KDM4C: variants seen among roughly 807,000 people sequenced by gnomAD.
KDM4C encodes lysine-specific demethylase 4C.
KDM4C carries 81 observed loss-of-function variants against 129.3 expected under a neutral mutation model. That is an observed-to-expected ratio of 0.63 (90% CI 0.52 to 0.75). KDM4C has a LOEUF of 0.75. Ranked by LOEUF, KDM4C falls within the 30% of genes least tolerant of loss-of-function variation. The pLI is 0.00. For synonymous variants in KDM4C, 573 were observed against 456.1 expected, an observed-to-expected ratio of 1.26 and a Z score of -3.26; for missense variants, 1,457 against 1,304.0, an observed-to-expected ratio of 1.12 and a Z score of -1.81.
intron 2 of KDM4C, among the ~76,000 whole-genome samples, chr9:6,802,215 C>T (rs1829131126): frequency 6.6e-6 from 1 of 151,888 alleles, no homozygotes; most frequent in Admixed American, 6.6e-5. Context: ...TACCATTGTA[C>T]ACTTAACAGA....
intron 19 of KDM4C, among the ~76,000 whole-genome samples, chr9:7,130,177 C>T (rs1004754524): frequency 4.6e-5 from 7 of 152,150 alleles, no homozygotes; most frequent in African/African-American, 1.4e-4. Context: ...AGACAGAAGA[C>T]CTTTTGGTGA....
At chr9:7,128,006 C>A in intron 18 of KDM4C, 60 bp from the exon 19 acceptor site, 2 of 1,258,868 alleles carry the variant, frequency 1.6e-6, no homozygotes, top group South Asian at 2.6e-5. Flanking sequence ...TTTTATTTTA[C>A]GTCCTTTCTT....
At chr9:7,126,453 G>T (rs1344206100) in intron 18 of KDM4C, among the ~76,000 whole-genome samples, 2 of 152,102 alleles carry the variant, frequency 1.3e-5, no homozygotes, top group Non-Finnish European at 2.9e-5. Context: ...TGAGTAAATG[G>T]GTTTATATTG....
chr9:6,864,850 G>T (rs1415045176), intron 5 of KDM4C, among the ~76,000 whole-genome samples: 1 of 150,892 alleles, frequency 6.6e-6, no homozygotes, highest in African/African-American at 2.4e-5. Flanking sequence ...GTCTATGTAT[G>T]TGCCTGTCTT....
chr9:6,933,247 A>G (rs1485519951), intron 8 of KDM4C, among the ~76,000 whole-genome samples: 19 of 152,242 alleles, frequency 1.2e-4, no homozygotes, highest in Admixed American at 1.2e-3. Context: ...GTAGAATCTG[A>G]CAGGTAATTA....
At chr9:6,986,259 C>G in intron 10 of KDM4C, 85 bp from the exon 11 acceptor site, 1 of 905,098 alleles carries the variant, frequency 1.1e-6, no homozygotes, top group Non-Finnish European at 1.7e-6. Context: ...GTGTAAGATA[C>G]AGAATCATTT....
At chr9:6,754,528 G>T (rs1818181014), upstream of KDM4C, among the ~76,000 whole-genome samples, 1 of 152,046 alleles carries the variant, frequency 6.6e-6, no homozygotes, top group Non-Finnish European at 1.5e-5. Flanking sequence ...ATTTATATTT[G>T]TAAAAAGTGT....
intron 1 of KDM4C, among the ~76,000 whole-genome samples, chr9:6,779,050 A>T (rs1480253985): frequency 1.5e-5 from 1 of 66,828 alleles, no homozygotes; most frequent in Non-Finnish European, 2.5e-5. Context: ...TTTTTTTGAG[A>T]TGGAGTCTCG....
chr9:6,954,599 A>G (rs1398750106), intron 8 of KDM4C, among the ~76,000 whole-genome samples: 1 of 152,194 alleles, frequency 6.6e-6, no homozygotes, highest in East Asian at 1.9e-4. Context: ...TATGTTAATA[A>G]TGTGCAGGTT....
intron 8 of KDM4C, among the ~76,000 whole-genome samples, chr9:6,937,751 G>A (rs551015462): frequency 2.2e-4 from 34 of 151,844 alleles, no homozygotes; most frequent in Admixed American, 2.2e-3. Flanking sequence ...TTGCTCTGTC[G>A]CCGAGGCTGG....
chr9:6,963,036 A>G (rs1830287150), intron 8 of KDM4C, among the ~76,000 whole-genome samples: 1 of 152,190 alleles, frequency 6.6e-6, no homozygotes, highest in South Asian at 2.1e-4. Context: ...TTGGGTTTGA[A>G]TCTTGTGTCC....
chr9:7,042,828 C>G (rs1387110034), intron 15 of KDM4C, among the ~76,000 whole-genome samples: 1 of 152,014 alleles, frequency 6.6e-6, no homozygotes, highest in East Asian at 1.9e-4. Flanking sequence ...CTCAATTGTT[C>G]TCCTTGCTGA....
At chr9:6,793,246 G>T (rs1827063331) in intron 2 of KDM4C, 114 bp downstream of exon 2, 2 of 1,019,556 alleles carry the variant, frequency 2.0e-6, no homozygotes, top group Non-Finnish European at 2.9e-6. Flanking sequence ...CAAAATCTTT[G>T]TTCTCGTTAA....
At chr9:6,958,687 A>ATTTTTTTTTTTTTTTTT (rs377187050) in intron 8 of KDM4C, among the ~76,000 whole-genome samples, 19 of 136,348 alleles carry the variant, frequency 1.4e-4, no homozygotes, top group African/African-American at 4.0e-4. Flanking sequence ...TCTTTATATG[A>ATTTTTTTTTTTTTTTTT]TTTTTTTTTT....
At position 6,731,085 on chromosome 9, in the gene KDM4C, A is replaced by G. The variant is rs115877700; in HGVS notation, c.49+10088A>G. Among the ~76,000 whole-genome samples the G allele has an allele frequency of 7.9e-3, 1,200 of 152,244 alleles. 20 individuals are homozygous for G. Among genetic ancestry groups the G allele is most frequent in the African/African-American group, 0.028 (1,144 of 41,542 alleles). On this transcript the variant is annotated intron_variant, in intron 1 of 17. Coordinates refer to the KDM4C transcript ENST00000536108. ...TTAGAGATTGACCAAAACTTGAGTCATTGATGTCACTATCACCGTCATAAA... is the reference window on the plus strand; with the variant it reads ...TTAGAGATTGACCAAAACTTGAGTCGTTGATGTCACTATCACCGTCATAAA...
intron 4 of KDM4C, among the ~76,000 whole-genome samples, chr9:6,817,124 A>T (rs1832246872): frequency 6.7e-6 from 1 of 149,448 alleles, no homozygotes; most frequent in African/African-American, 2.5e-5. Flanking sequence ...GAGGGTTGGG[A>T]TTTGTTTTTC....
chr9:6,993,973 C>T (rs570254744), intron 12 of KDM4C, among the ~76,000 whole-genome samples: 1 of 136,164 alleles, frequency 7.3e-6, no homozygotes, highest in Non-Finnish European at 1.6e-5. Context: ...CATTCCCCTG[C>T]CTTTTTAGCA....
intron 8 of KDM4C, among the ~76,000 whole-genome samples, chr9:6,957,783 G>C (rs2131572868): frequency 6.6e-6 from 1 of 152,326 alleles, no homozygotes; most frequent in South Asian, 2.1e-4. Context: ...GAATCAGAGA[G>C]CTGGGTCTGC....
At chr9:6,806,762 T>A (rs1035942038) in intron 3 of KDM4C, among the ~76,000 whole-genome samples, 1 of 152,132 alleles carries the variant, frequency 6.6e-6, no homozygotes, top group Non-Finnish European at 1.5e-5. Flanking sequence ...CTTCATGTCA[T>A]GGCAGCTGGC....
Sources: gnomAD v4.1 joint callset for allele counts (sites outside exome capture counted in the v4.1 genomes callset) on GRCh38, gnomAD v4.1.1 for gene constraint, MANE v1.5 for transcripts, NCBI Gene and HGNC (gene_info 2026-07-23, HGNC 2026-07-21) for gene names.